MCF2L: variants seen among roughly 807,000 people sequenced by gnomAD.
MCF2L encodes guanine nucleotide exchange factor DBS.
A neutral mutation model predicts 153.4 loss-of-function variants in MCF2L; 97 were observed. That is an observed-to-expected ratio of 0.63 (90% CI 0.54 to 0.75). MCF2L has a LOEUF of 0.75. Ranked by LOEUF, MCF2L falls within the 30% of genes least tolerant of loss-of-function variation. The probability of loss-of-function intolerance (pLI) is 0.00; values close to 1 mark genes in which losing one functional copy is unlikely to be tolerated. For synonymous variants in MCF2L, 659 were observed against 632.2 expected (o/e 1.04, Z -0.64); for missense variants, 1,347 against 1,495.2 (o/e 0.90, Z 1.64).
intron 2 of MCF2L, among the ~76,000 whole-genome samples, chr13:112,923,755 G>T (rs2081376978): frequency 6.6e-6 from 1 of 152,110 alleles, no homozygotes; most frequent in African/African-American, 2.4e-5. Context: ...GAGTCTATGA[G>T]TTGTCCCCCT....
intron 1 of MCF2L, among the ~76,000 whole-genome samples, chr13:112,988,240 T>TG (rs1298551053): frequency 1.4e-5 from 2 of 145,604 alleles, no homozygotes; most frequent in East Asian, 4.0e-4. Flanking sequence ...GTCTACTGTG[T>TG]TTTTTTTTTT....
intron 1 of MCF2L, among the ~76,000 whole-genome samples, chr13:113,007,099 A>G (rs1476332999): frequency 6.6e-6 from 1 of 151,962 alleles, no homozygotes; most frequent in African/African-American, 2.4e-5. Flanking sequence ...CTGCCCCTTG[A>G]TTTTTTAAGT....
At chr13:113,091,212 G>A (rs937031886) in intron 26 of MCF2L, 38 of 1,302,998 alleles carry the variant, frequency 2.9e-5, no homozygotes, top group South Asian at 3.7e-5. Context: ...TGGCACCCTC[G>A]GGCACGGCAC....
intron 1 of MCF2L, among the ~76,000 whole-genome samples, chr13:112,895,080 G>A (rs1254788696): frequency 6.6e-6 from 1 of 152,200 alleles, no homozygotes; most frequent in Non-Finnish European, 1.5e-5. Context: ...CGGGCTGGGC[G>A]GACTCCTCCT....
In MCF2L at chr13:112,969,770, G is replaced by A. The variant is rs150811969; in HGVS notation, c.79+312G>A. On this transcript the variant is annotated intron_variant, in intron 1 of 29. Transcript: ENST00000535094. The surrounding 1 kb of genome is among the most constrained non-coding windows in gnomAD (Gnocchi z 4.8). ...CCTGCCTGTCCGCAGCCCTCGCAAT[G>A]GAGAATGCATTGCGAATGGAGAATG... is the stretch of plus-strand genomic sequence containing the variant. Among the ~76,000 whole-genome samples, 159 of 152,284 alleles carry A rather than the reference G, an allele frequency of 1.0e-3. No individual in the cohort carries two copies. Among genetic ancestry groups the A allele is most frequent in the African/African-American group, 3.7e-3 (155 of 41,554 alleles).
chr13:113,007,502 GA>G (rs1487350083), intron 1 of MCF2L, among the ~76,000 whole-genome samples: 1 of 152,242 alleles, frequency 6.6e-6, no homozygotes, highest in Non-Finnish European at 1.5e-5. Context: ...ATACCTGCCA[GA>G]AGATCAAATT....
At chr13:113,076,223 G>A in intron 12 of MCF2L, 66 bp downstream of exon 12, 1 of 1,187,654 alleles carries the variant, frequency 8.4e-7, no homozygotes, top group Non-Finnish European at 1.2e-6. Context: ...TCCTCTGTGG[G>A]AAGTTTGAAA....
At chr13:113,003,094 T>G (rs1278623723) in intron 1 of MCF2L, among the ~76,000 whole-genome samples, 1 of 152,106 alleles carries the variant, frequency 6.6e-6, no homozygotes, top group Non-Finnish European at 1.5e-5. Context: ...GAGAATCATT[T>G]GAGCCCAGGA....
At position 112,951,995 on chromosome 13, in the gene MCF2L, TC is replaced by T. The variant is rs1024385295; in HGVS notation, c.169+49626del. ...GAAGTGGGAAGAGGGAAAAGGGCTT[TC>T]CTTTTAGGGAATTATGACCTTGACT... On this transcript the variant is annotated intron_variant, in intron 2 of 29. Coordinates refer to the MCF2L transcript ENST00000375608. The surrounding 1 kb of genome is among the most constrained non-coding windows in gnomAD (Gnocchi z 4.8). Among the ~76,000 whole-genome samples, 55 of 152,238 alleles carry T rather than the reference TC, an allele frequency of 3.6e-4. No individual in the cohort carries two copies. Among genetic ancestry groups the T allele is most frequent in the Non-Finnish European group, 7.8e-4 (53 of 68,046 alleles).
chr13:113,088,700 T>G (rs1595010056), intron 25 of MCF2L, 72 bp downstream of exon 25: 1 of 1,476,778 alleles, frequency 6.8e-7, no homozygotes, highest in Non-Finnish European at 9.2e-7. Flanking sequence ...CACGCCAGGG[T>G]CCTCGGCCTC....
At chr13:113,006,372 G>A (rs1460786398) in intron 1 of MCF2L, among the ~76,000 whole-genome samples, 1 of 152,192 alleles carries the variant, frequency 6.6e-6, no homozygotes, top group African/African-American at 2.4e-5. Context: ...GTCCTCGCGA[G>A]GACTCACTCA....
At chr13:112,986,834 G>T (rs1176701098) in intron 1 of MCF2L, among the ~76,000 whole-genome samples, 1 of 152,214 alleles carries the variant, frequency 6.6e-6, no homozygotes, top group East Asian at 1.9e-4. Context: ...CCCCAACAGT[G>T]GCGCGTACGC....
Position 113,011,713 on chromosome 13 carries a change from G to A in MCF2L, c.80-3050G>A, listed in dbSNP as rs1255080884. ...GTGTGGACGGTGGACACCGTGATGC[G>A]GACGGTGGACAGGCGGTGTGGACGG... On this transcript the variant is annotated intron_variant, in intron 1 of 29. Coordinates refer to ENST00000535094, the MANE Select transcript of MCF2L (RefSeq NM_001112732.3). Among the ~76,000 whole-genome samples the A allele has an allele frequency of 2.4e-4, 34 of 142,350 alleles. 1 individual carries two copies. The highest frequency in any genetic ancestry group is 5.5e-4 in the African/African-American group (21 of 38,516). The allele number at this position is 142,350 out of a possible 152,430, so 93.4% of individuals were successfully genotyped here. A position where few individuals can be genotyped will look rare whatever the true frequency, so the allele number is the denominator to read the frequency against.
At chr13:112,997,590 G>A (rs932529941) in intron 1 of MCF2L, among the ~76,000 whole-genome samples, 1 of 152,248 alleles carries the variant, frequency 6.6e-6, no homozygotes, top group South Asian at 2.1e-4. Flanking sequence ...TTTGGCAGCA[G>A]GTCCCACCCC....
chr13:113,045,183 G>A lies in MCF2L; in HGVS notation c.279-88G>A, dbSNP rs778754260. 31 of 1,118,502 alleles carry A rather than the reference G, an allele frequency of 2.8e-5. No individual in the cohort carries two copies. The highest frequency in any genetic ancestry group is 2.0e-4 in the Middle Eastern group (1 of 5,106). 69.3% of individuals were successfully genotyped at this position (1,118,502 alleles called of 1,614,324 possible). ...AATGGCATCATGAATATGGGGGATCGCTCTCCCAAGAGGTTTTCTGAGGGA... is the reference window on the plus strand; with the variant it reads ...AATGGCATCATGAATATGGGGGATCACTCTCCCAAGAGGTTTTCTGAGGGA... On this transcript the variant is annotated intron_variant, in intron 3 of 29. Transcript: ENST00000535094. This position sits in a 1 kb window ranked among gnomAD's most constrained non-coding sequence, Gnocchi z 4.2.
Position 113,076,152 on chromosome 13 carries a change from C to T in MCF2L, c.1495C>T (p.Leu499Phe), listed in dbSNP as rs139393934. 2.7e-4 allele frequency: 437 copies of T among 1,611,142 alleles called. No homozygotes were observed. Among genetic ancestry groups the T allele is most frequent in the Non-Finnish European group, 3.5e-4 (408 of 1,178,276 alleles). Residue 499 changes from leucine (L) to phenylalanine (F), a missense_variant, in exon 12 of 30, where the codon CTC (leucine) becomes TTC (phenylalanine). This residue lies in a region of MCF2L where 820 missense variants were observed against 921.2 expected (regional missense o/e 0.89). Transcript: ENST00000535094. The stretch of plus-strand genomic sequence containing the variant: ...ATACGAATCCATCCTCAACCAAGAT[C>T]TCATGGTAACGCTGACTCGGGCTCT... ...KEYESILNQD[L>F]MEHVRKVFQK... is the part of the protein sequence containing the mutation.
At chr13:113,044,778 G>A in intron 3 of MCF2L, 2 of 1,612,904 alleles carry the variant, frequency 1.2e-6, no homozygotes, top group Non-Finnish European at 1.7e-6. Flanking sequence ...CAGATGCTTG[G>A]GAACCTTCAG....
chr13:112,940,066 T>C (rs1566650761), intron 2 of MCF2L, among the ~76,000 whole-genome samples: 1 of 151,506 alleles, frequency 6.6e-6, no homozygotes, highest in Non-Finnish European at 1.5e-5. Context: ...TTCAGGGCAG[T>C]TTATCAAGTT....
At chr13:112,937,290 A>G (rs2081524833) in intron 2 of MCF2L, among the ~76,000 whole-genome samples, 2 of 152,182 alleles carry the variant, frequency 1.3e-5, no homozygotes, top group Admixed American at 6.5e-5. Context: ...CCTAACCTCA[A>G]GTGATCTGCC....
Sources: gnomAD v4.1 joint callset for allele counts (sites outside exome capture counted in the v4.1 genomes callset) on GRCh38, gnomAD v4.1.1 for gene constraint, gnomAD v4.1.1 regional missense constraint, Gnocchi (gnomAD v3.1) non-coding constraint, MANE v1.5 for transcripts, NCBI Gene and HGNC (gene_info 2026-07-23, HGNC 2026-07-21) for gene names.